SLC11A2: variants seen among roughly 807,000 people sequenced by gnomAD.
SLC11A2 encodes solute carrier family 11 member 2.
Under a neutral mutation model 68.0 loss-of-function variants are expected in SLC11A2, and 38 were observed. That is an observed-to-expected ratio of 0.56 (90% CI 0.43 to 0.73). SLC11A2 has a LOEUF of 0.73. Ranked by LOEUF, SLC11A2 falls within the 30% of genes least tolerant of loss-of-function variation. SLC11A2 has a pLI of 0.00. For synonymous variants in SLC11A2, 242 were observed against 250.6 expected, an observed-to-expected ratio of 0.97 and a Z score of 0.32; for missense variants, 517 against 690.5, an observed-to-expected ratio of 0.75 and a Z score of 2.82.
the SLC11A2 span, among the ~76,000 whole-genome samples, chr12:50,967,806 A>T: frequency 6.6e-6 from 1 of 152,176 alleles, no homozygotes; most frequent in Non-Finnish European, 1.5e-5. Flanking sequence ...CAAAACTACC[A>T]GTAGTGATAT....
At chr12:50,985,910 G>C (rs890437873), downstream of SLC11A2, 1 of 969,086 alleles carries the variant, frequency 1.0e-6, no homozygotes, top group South Asian at 2.5e-5. Flanking sequence ...GGTAGTTGCT[G>C]TTTCAGTATT....
intron 3 of SLC11A2, among the ~76,000 whole-genome samples, chr12:51,007,385 AG>A (rs1242467741): frequency 6.6e-6 from 1 of 152,148 alleles, no homozygotes; most frequent in Admixed American, 6.5e-5. Context: ...CTCAGGCCGG[AG>A]TGCAGTGGCG....
Position 50,996,893 on chromosome 12 carries a change from T to C in SLC11A2, c.755A>G (p.Gln252Arg). 6.2e-7 allele frequency: 1 copy of C among 1,614,050 alleles called. No individual in the cohort carries two copies. Among genetic ancestry groups the C allele is most frequent in the Non-Finnish European group, 8.5e-7 (1 of 1,179,978 alleles). ...CACGATGCCCACAGCCTGTTCAATC[T>C]GTGGAGTGCGACAGCCTGAACAGGA... is the stretch of plus-strand genomic sequence containing the variant. ...VPSCSGCRTP[Q>R]IEQAVGIVGA... Residue 252 changes from glutamine (Q) to arginine (R), a missense_variant, in exon 9 of 16, where the codon CAG becomes CGG. Physicochemically the swap from Gln to Arg is conservative, Grantham distance 43. Transcript: ENST00000262052.
intron 5 of SLC11A2, among the ~76,000 whole-genome samples, chr12:51,001,670 A>G (rs979383622): frequency 1.3e-5 from 2 of 151,980 alleles, no homozygotes; most frequent in African/African-American, 4.8e-5. Flanking sequence ...TATAGGAAAA[A>G]AAAAAAGTAC....
chr12:51,019,384 T>C (rs1943883593), intron 1 of SLC11A2, among the ~76,000 whole-genome samples: 1 of 152,210 alleles, frequency 6.6e-6, no homozygotes, highest in Non-Finnish European at 1.5e-5. Context: ...ATTACTGTAT[T>C]ATTAACACAA....
At chr12:50,956,891 T>C in the SLC11A2 span, among the ~76,000 whole-genome samples, 1 of 152,202 alleles carries the variant, frequency 6.6e-6, no homozygotes, top group Admixed American at 6.5e-5. Context: ...TATCATTTGT[T>C]ATATATTTCC....
chr12:51,016,416 G>A (rs1383326762), intron 1 of SLC11A2, among the ~76,000 whole-genome samples: 1 of 152,022 alleles, frequency 6.6e-6, no homozygotes, highest in East Asian at 1.9e-4. Context: ...AGGTGCAGTG[G>A]CTCACGCCTG....
At chr12:51,025,655 G>T in intron 1 of SLC11A2, 1 of 616,814 alleles carries the variant, frequency 1.6e-6, no homozygotes, top group Non-Finnish European at 2.0e-6. Context: ...AGCTGGGAGA[G>T]CCATCCAGCC....
At chr12:50,991,031 G>A (rs1345765091) in intron 14 of SLC11A2, 83 bp from the exon 15 acceptor site, 2 of 1,255,606 alleles carry the variant, frequency 1.6e-6, no homozygotes, top group Middle Eastern at 1.9e-4. Context: ...GGAATTAGAG[G>A]CAGTTCAAAA....
chr12:50,952,887 A>T, the SLC11A2 span, among the ~76,000 whole-genome samples: 1 of 151,966 alleles, frequency 6.6e-6, no homozygotes, highest in African/African-American at 2.4e-5. Flanking sequence ...CTTTCCCCTC[A>T]ATTTTGGGCC....
chr12:50,975,130 C>A (rs1000131350), downstream of SLC11A2, among the ~76,000 whole-genome samples: 1 of 152,152 alleles, frequency 6.6e-6, no homozygotes, highest in African/African-American at 2.4e-5. Flanking sequence ...CAGCTCTGCA[C>A]CAAGTGGACC....
chr12:51,004,882 G>A lies in SLC11A2; in HGVS notation c.335C>T (p.Thr112Ile). The change falls in exon 5 of 16, where the codon ACC (threonine) becomes ATC (isoleucine). Residue 112 changes from threonine to isoleucine, a missense_variant. Thr to Ile is a moderately conservative substitution (Grantham distance 89). Transcript: ENST00000262052. ...CCGCTGGAGCAGCAGCCCCACAAGGGTGGCCAACAGAAGGATCCAGAGCAA... is the reference window on the plus strand; with the variant it reads ...CCGCTGGAGCAGCAGCCCCACAAGGATGGCCAACAGAAGGATCCAGAGCAA... ...FKLLWILLLA[T>I]LVGLLLQRLA... The A allele has an allele frequency of 8.7e-6, 14 of 1,614,146 alleles. No homozygotes were observed. The highest frequency in any genetic ancestry group is 1.2e-5 in the Non-Finnish European group (14 of 1,180,006).
the SLC11A2 span, among the ~76,000 whole-genome samples, chr12:50,964,614 G>T: frequency 6.6e-6 from 1 of 152,140 alleles, no homozygotes; most frequent in Non-Finnish European, 1.5e-5. Context: ...CTGATATTAG[G>T]CAGTGAAAGC....
chr12:50,956,478 G>T, the SLC11A2 span, among the ~76,000 whole-genome samples: 1 of 152,302 alleles, frequency 6.6e-6, no homozygotes, highest in Non-Finnish European at 1.5e-5. Flanking sequence ...TCCTGCTACA[G>T]GATGGAGGGT....
intron 5 of SLC11A2, among the ~76,000 whole-genome samples, chr12:51,003,731 C>G (rs1419047733): frequency 7.0e-6 from 1 of 142,790 alleles, no homozygotes; most frequent in Non-Finnish European, 1.5e-5. Flanking sequence ...AGTTTGAGAC[C>G]AGCCTAGACA....
chr12:50,955,779 A>T, the SLC11A2 span, among the ~76,000 whole-genome samples: 4 of 152,236 alleles, frequency 2.6e-5, no homozygotes, highest in African/African-American at 9.6e-5. Context: ...AGTTAAAAAA[A>T]ATTCGAAAAC....
upstream of SLC11A2, among the ~76,000 whole-genome samples, chr12:51,026,791 G>C (rs138016321): frequency 6.6e-6 from 1 of 152,198 alleles, no homozygotes; most frequent in African/African-American, 2.4e-5. Context: ...AGCACTTTGG[G>C]AGACCGAGGC....
intron 12 of SLC11A2, among the ~76,000 whole-genome samples, 195 bp downstream of exon 12, chr12:50,992,615 C>T (rs1168547018): frequency 2.6e-5 from 4 of 151,546 alleles, no homozygotes; most frequent in African/African-American, 9.7e-5. Flanking sequence ...GCCTGTAATC[C>T]TAGCTACTCG....
intron 8 of SLC11A2, 44 bp downstream of exon 8, chr12:50,999,130 A>G: frequency 6.7e-7 from 1 of 1,481,700 alleles, no homozygotes. Flanking sequence ...AAAAAACCAC[A>G]AAAACTTATT....
Sources: gnomAD v4.1 joint callset for allele counts (sites outside exome capture counted in the v4.1 genomes callset) on GRCh38, gnomAD v4.1.1 for gene constraint, MANE v1.5 for transcripts, NCBI Gene and HGNC (gene_info 2026-07-23, HGNC 2026-07-21) for gene names.